The following SUCLG2 variants were observed in gnomAD, a reference collection of about 807,000 sequenced individuals.
SUCLG2 encodes the protein succinate--CoA ligase [GDP-forming] subunit beta, mitochondrial.
Under a neutral mutation model 47.9 loss-of-function variants are expected in SUCLG2, and 42 were observed. That is an observed-to-expected ratio of 0.88 (90% CI 0.69 to 1.14). The LOEUF (loss-of-function observed/expected upper bound fraction) is 1.14, where lower values mean the gene tolerates loss of function less well. Among genes scored for constraint, SUCLG2 ranks in the 50% most tolerant of loss-of-function variants. SUCLG2 has a pLI of 0.00. For missense variants in SUCLG2, 571 were observed against 525.9 expected (o/e 1.09, Z -0.84); for synonymous variants, 195 against 197.3 (o/e 0.99, Z 0.10).
intron 9 of SUCLG2, among the ~76,000 whole-genome samples, chr3:67,490,257 G>A (rs1403763983): frequency 2.6e-5 from 4 of 152,110 alleles, no homozygotes; most frequent in African/African-American, 9.7e-5. Flanking sequence ...AACTCTAAAT[G>A]TGCAATAATT....
intron 2 of SUCLG2, among the ~76,000 whole-genome samples, chr3:67,586,173 A>G (rs1292289193): frequency 3.3e-5 from 5 of 152,162 alleles, no homozygotes; most frequent in African/African-American, 1.2e-4. Context: ...CTATTTTTTA[A>G]ACAAGGATGA....
intron 9 of SUCLG2, among the ~76,000 whole-genome samples, chr3:67,462,497 G>A (rs949388576): frequency 9.9e-5 from 15 of 152,152 alleles, no homozygotes; most frequent in South Asian, 2.1e-4. Context: ...GGTCCAAGAG[G>A]ATGGCGTTCA....
At chr3:67,551,556 C>G (rs1396588793) in intron 2 of SUCLG2, among the ~76,000 whole-genome samples, 2 of 152,156 alleles carry the variant, frequency 1.3e-5, no homozygotes, top group Non-Finnish European at 2.9e-5. Context: ...ATCCCTCCCC[C>G]AACATCGATG....
At chr3:67,459,122 A>G (rs1021259275) in intron 9 of SUCLG2, among the ~76,000 whole-genome samples, 2 of 152,048 alleles carry the variant, frequency 1.3e-5, no homozygotes, top group African/African-American at 4.8e-5. Flanking sequence ...TGAACCATTC[A>G]AAGGGCAGCT....
intron 9 of SUCLG2, among the ~76,000 whole-genome samples, chr3:67,470,767 C>T (rs1169507426): frequency 2.6e-5 from 4 of 152,358 alleles, no homozygotes; most frequent in Admixed American, 1.3e-4. Flanking sequence ...TTATAAACTA[C>T]ACAGTCTGTG....
intron 9 of SUCLG2, among the ~76,000 whole-genome samples, chr3:67,447,204 C>T (rs1703947933): frequency 6.6e-6 from 1 of 152,116 alleles, no homozygotes; most frequent in African/African-American, 2.4e-5. Flanking sequence ...AGGATTTCTA[C>T]CTCATTTCTC....
chr3:67,592,743 A>AAAAAAC (rs1708197499), intron 2 of SUCLG2, among the ~76,000 whole-genome samples: 23 of 148,596 alleles, frequency 1.5e-4, no homozygotes, highest in African/African-American at 5.4e-4. Context: ...AAAACAACAA[A>AAAAAAC]AAAAAACTGA....
chr3:67,495,747 C>T (rs371141072), intron 9 of SUCLG2, 51 bp downstream of exon 9: 51 of 1,604,874 alleles, frequency 3.2e-5, no homozygotes, highest in African/African-American at 2.4e-4. Context: ...GAGCTCTTGA[C>T]GGTGAGAAAT....
intron 6 of SUCLG2, among the ~76,000 whole-genome samples, chr3:67,509,210 T>C (rs1705721181): frequency 6.6e-6 from 1 of 152,210 alleles, no homozygotes; most frequent in South Asian, 2.1e-4. Context: ...TGCTGCAATA[T>C]AAATTACAAT....
chr3:67,607,966 G>C (rs951404094), intron 2 of SUCLG2, among the ~76,000 whole-genome samples: 3 of 152,150 alleles, frequency 2.0e-5, no homozygotes, highest in Non-Finnish European at 2.9e-5. Flanking sequence ...CCCAGTCTCA[G>C]GTATGTCTTT....
At chr3:67,616,589 T>G (rs1700634233) in intron 1 of SUCLG2, among the ~76,000 whole-genome samples, 1 of 152,228 alleles carries the variant, frequency 6.6e-6, no homozygotes, top group Non-Finnish European at 1.5e-5. Context: ...AATTCATTTA[T>G]TATTTGTGCC....
At chr3:67,552,172 CAAAAAAAAAAA>C (rs55687048) in intron 2 of SUCLG2, among the ~76,000 whole-genome samples, 5 of 75,494 alleles carry the variant, frequency 6.6e-5, no homozygotes, top group Non-Finnish European at 1.6e-4. Context: ...AACTCCATCT[CAAAAAAAAAAA>C]AAAAAAAAAG....
rs1706007571 is a variant in SUCLG2, at chr3:67,518,347, T to A, written c.571-11A>T. 6.2e-7 allele frequency: 1 copy of A among 1,601,410 alleles called. No individual in the cohort carries two copies. Among genetic ancestry groups the A allele is most frequent in the Non-Finnish European group, 8.5e-7 (1 of 1,172,206 alleles). On this transcript the variant is annotated splice_polypyrimidine_tract_variant and intron_variant, in intron 5 of 10. Coordinates refer to ENST00000307227, the MANE Select transcript of SUCLG2 (RefSeq NM_003848.4). The stretch of plus-strand genomic sequence containing the variant: ...AATGTCAATTTGCTCCTAGTAAAAA[T>A]AAATCAAATAAACAAAATTCAGACA...
At chr3:67,454,405 TA>T (rs199930632) in intron 9 of SUCLG2, among the ~76,000 whole-genome samples, 1 of 14,982 alleles carries the variant, frequency 6.7e-5, no homozygotes, top group Non-Finnish European at 1.4e-4. Flanking sequence ...ATCAAATATA[TA>T]AAAAAAAAAT....
At chr3:67,422,501 A>AAAAAAAAAAAG (rs1703189796) in intron 9 of SUCLG2, among the ~76,000 whole-genome samples, 1 of 146,138 alleles carries the variant, frequency 6.8e-6, no homozygotes, top group Non-Finnish European at 1.5e-5. Flanking sequence ...AAAAAAAAAA[A>AAAAAAAAAAAG]AAGAACATTC....
At chr3:67,420,993 G>A (rs1366016979) in intron 9 of SUCLG2, among the ~76,000 whole-genome samples, 5 of 151,988 alleles carry the variant, frequency 3.3e-5, no homozygotes, top group Non-Finnish European at 2.9e-5. Context: ...TTTTATTAAG[G>A]GTGTTAGTCT....
intron 4 of SUCLG2, 132 bp downstream of exon 4, chr3:67,528,000 T>C (rs1253421274): frequency 6.9e-6 from 5 of 722,856 alleles, no homozygotes; most frequent in East Asian, 5.5e-5. Context: ...ACAGATTAGA[T>C]GAGCTTTAAA....
intron 8 of SUCLG2, among the ~76,000 whole-genome samples, chr3:67,497,059 C>A (rs1036641797): frequency 2.6e-5 from 4 of 152,108 alleles, no homozygotes; most frequent in African/African-American, 7.2e-5. Flanking sequence ...ACCCATATAC[C>A]TTTCCCCTTT....
intron 10 of SUCLG2, among the ~76,000 whole-genome samples, chr3:67,378,227 G>A: frequency 6.6e-6 from 1 of 152,160 alleles, no homozygotes; most frequent in South Asian, 2.1e-4. Context: ...TCACATCTTT[G>A]TAGAATCCGT....
Sources: gnomAD v4.1 joint callset for allele counts (sites outside exome capture counted in the v4.1 genomes callset) on GRCh38, gnomAD v4.1.1 for gene constraint, MANE v1.5 for transcripts, NCBI Gene and HGNC (gene_info 2026-07-23, HGNC 2026-07-21) for gene names.